Variants in EZR observed in about 807,000 individuals in gnomAD.
EZR encodes ezrin.
Under a neutral mutation model 74.8 loss-of-function variants are expected in EZR, and 40 were observed. The observed-to-expected ratio is 0.53, with a 90% CI of 0.42 to 0.70. The LOEUF is 0.70. EZR is among the 30% of genes least tolerant of loss of function. The pLI is 0.00. For synonymous variants in EZR, 341 were observed against 283.3 expected (o/e 1.20, Z -2.05); for missense variants, 678 against 755.8 (o/e 0.90, Z 1.21).
rs1419736842 is a variant in EZR, at chr6:158,766,224, TC to T, written c.*689del. Reference sequence around the variant, plus strand: ...AAACTAATGTTACAAATCTGTATTATCACTTGTATATAAATAGTATATAGCT... The same window carrying T: ...AAACTAATGTTACAAATCTGTATTATACTTGTATATAAATAGTATATAGCT... On this transcript the variant is annotated 3_prime_UTR_variant, in exon 14 of 14. Coordinates refer to ENST00000367075, the MANE Select transcript of EZR (RefSeq NM_001111077.2). 2.0e-5 allele frequency: 3 copies of T among 152,260 alleles called. No individual in the cohort carries two copies. In the East Asian group the frequency reaches 5.8e-4, roughly 29 times the overall value. 9.4% of individuals were successfully genotyped at this position (152,260 alleles called of 1,614,324 possible). A position where few individuals can be genotyped will look rare whatever the true frequency, so the allele number is the denominator to read the frequency against.
At position 158,769,780 on chromosome 6, in the gene EZR, C is replaced by T. The variant is rs1425880595; in HGVS notation, c.1251+4G>A. 10 of 1,613,752 alleles carry T rather than the reference C, an allele frequency of 6.2e-6. No homozygotes were observed. Among genetic ancestry groups the T allele is most frequent in the Admixed American group, 5.0e-5 (3 of 60,026 alleles). On this transcript the variant is annotated splice_donor_region_variant and intron_variant, in intron 11 of 13. Coordinates refer to ENST00000367075, the MANE Select transcript of EZR (RefSeq NM_001111077.2). The stretch of plus-strand genomic sequence containing the variant: ...CAGCATCTTGAAACTCAGGCCATTC[C>T]TACCAGCTGCTCCTGGCTCTTTATC...
At chr6:158,801,779 C>T (rs1046777475) in intron 2 of EZR, among the ~76,000 whole-genome samples, 2 of 152,200 alleles carry the variant, frequency 1.3e-5, no homozygotes, top group African/African-American at 4.8e-5. Context: ...CTCAGTTATT[C>T]CTCTAGCTTT....
At chr6:158,781,133 G>T (rs1388443426) in intron 7 of EZR, among the ~76,000 whole-genome samples, 3 of 152,144 alleles carry the variant, frequency 2.0e-5, no homozygotes, top group African/African-American at 7.2e-5. Flanking sequence ...ACCGAGAGAG[G>T]TAACAGCGCA....
chr6:158,811,479 T>A (rs1271437889), intron 2 of EZR, among the ~76,000 whole-genome samples: 1 of 152,182 alleles, frequency 6.6e-6, no homozygotes, highest in Non-Finnish European at 1.5e-5. Flanking sequence ...TATAAAAGTT[T>A]AAGTTAAAAA....
chr6:158,786,751 A>G (rs3127219), intron 4 of EZR, among the ~76,000 whole-genome samples: 17,205 of 152,242 alleles, frequency 0.11, 999 homozygotes, highest in Middle Eastern at 0.15. Context: ...TCCACTCTTT[A>G]AAGTTGGAAG....
intron 2 of EZR, among the ~76,000 whole-genome samples, chr6:158,801,385 AAAAC>A (rs377693250): frequency 6.6e-6 from 1 of 152,266 alleles, no homozygotes; most frequent in African/African-American, 2.4e-5. Context: ...CCTGTCTCCA[AAAAC>A]AAACAAAAAA....
intron 1 of EZR, 61 bp from the exon 2 acceptor site, chr6:158,818,227 C>G: frequency 7.4e-6 from 7 of 950,920 alleles, no homozygotes; most frequent in Non-Finnish European, 1.1e-5. Context: ...CCTGCCGCGC[C>G]CGACACTCGG....
chr6:158,803,573 ATATATAT>A (rs1777248093), intron 2 of EZR, among the ~76,000 whole-genome samples: 1 of 7,552 alleles, frequency 1.3e-4, no homozygotes, highest in Non-Finnish European at 2.6e-4. Flanking sequence ...ATATATATAT[ATATATAT>A]ACATATATAT....
chr6:158,801,301 G>A (rs1777181751), intron 2 of EZR, among the ~76,000 whole-genome samples: 1 of 152,154 alleles, frequency 6.6e-6, no homozygotes, highest in Non-Finnish European at 1.5e-5. Flanking sequence ...TTTTGGTAGA[G>A]ACGGGGTTTC....
intron 2 of EZR, among the ~76,000 whole-genome samples, chr6:158,808,865 T>C (rs1038091276): frequency 6.6e-6 from 1 of 152,342 alleles, no homozygotes; most frequent in Non-Finnish European, 1.5e-5. Flanking sequence ...TAGTGGCTCA[T>C]GGCTATAATG....
chr6:158,790,794 C>T (rs963351088), intron 2 of EZR, among the ~76,000 whole-genome samples: 2 of 152,216 alleles, frequency 1.3e-5, no homozygotes, highest in African/African-American at 4.8e-5. Flanking sequence ...GAAAAACACT[C>T]AAATCTGGCT....
At chr6:158,797,572 G>A (rs1777100200) in intron 2 of EZR, among the ~76,000 whole-genome samples, 2 of 152,016 alleles carry the variant, frequency 1.3e-5, no homozygotes, top group African/African-American at 4.8e-5. Context: ...TTCCGAAGGT[G>A]CCACTTCAGC....
At chr6:158,798,615 T>C (rs966876421) in intron 2 of EZR, among the ~76,000 whole-genome samples, 21 of 145,152 alleles carry the variant, frequency 1.4e-4, no homozygotes, top group Non-Finnish European at 3.0e-4. Context: ...CTTAGTTTGC[T>C]GCTCCGCTTT....
chr6:158,794,202 A>G (rs1337120546), intron 2 of EZR, among the ~76,000 whole-genome samples: 1 of 152,092 alleles, frequency 6.6e-6, no homozygotes, highest in Non-Finnish European at 1.5e-5. Context: ...AATTGCTTGA[A>G]CCTGGGAGGC....
rs978365883 is a variant in EZR at position 158,771,516 on chromosome 6, G to A, written c.796-109C>T. 12 of 1,185,220 alleles carry A rather than the reference G, an allele frequency of 1.0e-5. No homozygotes were observed. In the Admixed American group the frequency reaches 2.9e-4, roughly 29 times the overall value. 73.4% of individuals were successfully genotyped at this position (1,185,220 alleles called of 1,614,324 possible). On this transcript the variant is annotated intron_variant, in intron 8 of 13. Transcript: ENST00000367075. ...CTTTTCTAAAAGAACAAATGTAGCAGAACAGGGATGGCAGCATCTCGGCAC... is the reference window on the plus strand; with the variant it reads ...CTTTTCTAAAAGAACAAATGTAGCAAAACAGGGATGGCAGCATCTCGGCAC...
Position 158,783,627 on chromosome 6 carries a change from G to A in EZR, c.591C>T (p.Asp197=). 1 of 1,613,656 alleles carries A rather than the reference G, an allele frequency of 6.2e-7. No homozygotes were observed. The highest frequency in any genetic ancestry group is 2.2e-5 in the East Asian group (1 of 44,876). Residue 197 remains aspartate (D), a synonymous_variant, in exon 7 of 14, where the codon GAC becomes GAT. Coordinates refer to ENST00000367075, the MANE Select transcript of EZR (RefSeq NM_001111077.2). The stretch of plus-strand genomic sequence containing the variant: ...AATAGTTGATTCCATACATTTCCAG[G>A]TCCTGAGCAATCTTCAGGTATTCCA... The part of the protein sequence containing the change: ...AMLEYLKIAQ[D]LEMYGINYFE...
At chr6:158,816,189 G>A (rs1446323416) in intron 2 of EZR, among the ~76,000 whole-genome samples, 1 of 152,206 alleles carries the variant, frequency 6.6e-6, no homozygotes, top group African/African-American at 2.4e-5. Context: ...TGGGGAGGGA[G>A]AGTTTAATAG....
chr6:158,771,217 C>A, intron 9 of EZR, 27 bp downstream of exon 9: 4 of 1,585,570 alleles, frequency 2.5e-6, no homozygotes, highest in Non-Finnish European at 2.6e-6. Context: ...AACACAGGCC[C>A]CCCCCACTCT....
intron 3 of EZR, chr6:158,788,176 C>A (rs1791633779): frequency 6.6e-6 from 1 of 152,204 alleles, no homozygotes; most frequent in Admixed American, 6.5e-5. Context: ...CTCAGGTATA[C>A]AGAGCATTTG....
Sources: gnomAD v4.1 joint callset for allele counts (sites outside exome capture counted in the v4.1 genomes callset) on GRCh38, gnomAD v4.1.1 for gene constraint, MANE v1.5 for transcripts, NCBI Gene and HGNC (gene_info 2026-07-23, HGNC 2026-07-21) for gene names.